Variants in RSL1D1 observed in about 807,000 individuals in gnomAD.
The protein encoded by RSL1D1 is ribosomal L1 domain containing 1, also known as ribosomal L1 domain-containing protein 1.
RSL1D1 carries 34 observed loss-of-function variants against 44.6 expected under a neutral mutation model. The observed-to-expected ratio is 0.76, with a 90% CI of 0.58 to 1.02. The LOEUF is 1.02. RSL1D1 is among the 50% of genes least tolerant of loss of function. The probability of loss-of-function intolerance (pLI) is 0.00; values close to 1 mark genes in which losing one functional copy is unlikely to be tolerated. For missense variants in RSL1D1, 767 were observed against 568.1 expected (o/e 1.35, Z -3.56); for synonymous variants, 271 against 207.4 (o/e 1.31, Z -2.63).
chr16:11,845,345 C>G (rs1262716923), intron 5 of RSL1D1, among the ~76,000 whole-genome samples: 1 of 152,130 alleles, frequency 6.6e-6, no homozygotes, highest in Non-Finnish European at 1.5e-5. Flanking sequence ...CCCAGCTACT[C>G]AGGAGGCTGA....
chr16:11,846,584 G>C lies in RSL1D1; in HGVS notation c.552C>G (p.Asn184Lys). 6.2e-7 allele frequency: 1 copy of C among 1,609,846 alleles called. No homozygotes were observed. Among genetic ancestry groups the C allele is most frequent in the South Asian group, 1.1e-5 (1 of 90,770 alleles). Residue 184 changes from asparagine (N) to lysine (K), a missense_variant, in exon 5 of 9, where the codon AAC becomes AAG. Physicochemically the swap from Asn to Lys is moderately conservative, Grantham distance 94 (BLOSUM62 0). Coordinates refer to ENST00000571133, the MANE Select transcript of RSL1D1 (RefSeq NM_015659.3). ...CTCTTGATAAATTCTTGGACAGAAGGTTTACAGATACTGGAACTCTACAAA... is the reference window on the plus strand; with the variant it reads ...CTCTTGATAAATTCTTGGACAGAAGCTTTACAGATACTGGAACTCTACAAA... ...YQRKKVPVSV[N>K]LLSKNLSREI...
At chr16:11,838,547 T>C (rs751337432) in intron 8 of RSL1D1, among the ~76,000 whole-genome samples, 17 of 151,954 alleles carry the variant, frequency 1.1e-4, no homozygotes, top group African/African-American at 2.9e-4. Flanking sequence ...ATGACAGAAA[T>C]AAGCTGTATT....
chr16:11,843,575 A>G (rs2053777628), intron 5 of RSL1D1, among the ~76,000 whole-genome samples: 1 of 151,414 alleles, frequency 6.6e-6, no homozygotes, highest in Admixed American at 6.6e-5. Flanking sequence ...GTTCAAGAAT[A>G]AATAGTTCTG....
chr16:11,846,430 C>A, intron 5 of RSL1D1, 71 bp downstream of exon 5: 11 of 823,342 alleles, frequency 1.3e-5, no homozygotes, highest in East Asian at 2.7e-5. Flanking sequence ...CAAAACAAAA[C>A]GAATAAGTAT....
intron 5 of RSL1D1, among the ~76,000 whole-genome samples, chr16:11,842,554 T>C (rs755101348): frequency 3.3e-5 from 5 of 151,830 alleles, no homozygotes; most frequent in African/African-American, 7.3e-5. Context: ...TAGAGATGGG[T>C]TCTCACTCCT....
At chr16:11,838,645 C>A (rs990743105) in intron 8 of RSL1D1, among the ~76,000 whole-genome samples, 1 of 151,308 alleles carries the variant, frequency 6.6e-6, no homozygotes, top group African/African-American at 2.4e-5. Flanking sequence ...TTACTTGAGG[C>A]CAGGAGTTCA....
chr16:11,843,532 C>G (rs2053777291), intron 5 of RSL1D1, among the ~76,000 whole-genome samples: 1 of 151,980 alleles, frequency 6.6e-6, no homozygotes, highest in African/African-American at 2.4e-5. Flanking sequence ...CACCTGCTCT[C>G]TCTATAGTTC....
chr16:11,848,913 G>C (rs776146075), intron 2 of RSL1D1, among the ~76,000 whole-genome samples: 1 of 151,912 alleles, frequency 6.6e-6, no homozygotes, highest in Non-Finnish European at 1.5e-5. Flanking sequence ...AAACAGCTGG[G>C]ATTACAGACG....
Position 11,846,851 on chromosome 16 carries a change from G to T in RSL1D1, c.385-8C>A. The T allele has an allele frequency of 6.3e-7, 1 of 1,584,840 alleles. No individual in the cohort carries two copies. The highest frequency in any genetic ancestry group is 8.6e-7 in the Non-Finnish European group (1 of 1,160,336). On this transcript the variant is annotated splice_region_variant and splice_polypyrimidine_tract_variant and intron_variant, in intron 3 of 8. Transcript: ENST00000571133. ...AGTTTGGAGGGAGATAATCTAGGAA[G>T]TATAGAGAAGAATAAAAACAAGAAG...
chr16:11,844,405 C>T (rs1432397665), intron 5 of RSL1D1, among the ~76,000 whole-genome samples: 1 of 152,174 alleles, frequency 6.6e-6, no homozygotes, highest in Non-Finnish European at 1.5e-5. Flanking sequence ...CTCCCAGATA[C>T]TCATGGGTCC....
chr16:11,848,336 T>C (rs983838677), intron 2 of RSL1D1, among the ~76,000 whole-genome samples: 5 of 152,120 alleles, frequency 3.3e-5, no homozygotes, highest in Admixed American at 1.3e-4. Flanking sequence ...CAATTAACAC[T>C]TGGGATACAA....
At chr16:11,843,226 C>T (rs867152894) in intron 5 of RSL1D1, among the ~76,000 whole-genome samples, 3 of 151,426 alleles carry the variant, frequency 2.0e-5, no homozygotes, top group Admixed American at 6.6e-5. Flanking sequence ...TGAACCACTG[C>T]GCCCGGCCTA....
chr16:11,838,692 A>C (rs1168000933), intron 8 of RSL1D1, among the ~76,000 whole-genome samples: 1 of 151,108 alleles, frequency 6.6e-6, no homozygotes, highest in African/African-American at 2.4e-5. Flanking sequence ...CCCCATCTCT[A>C]CTAAAAATAC....
Position 11,834,810 on chromosome 16 carries a change from G to C in RSL1D1, c.*2977C>G, listed in dbSNP as rs369311248. On this transcript the variant is annotated 3_prime_UTR_variant, in exon 9 of 9. Transcript: ENST00000571133. The stretch of plus-strand genomic sequence containing the variant: ...ATTTAAAAAGTTAACATTACAATTT[G>C]TGTTACTAAAATGCAAAAACAGGAT... The C allele has an allele frequency of 2.6e-5, 4 of 152,292 alleles. No homozygotes were observed. The highest frequency in any genetic ancestry group is 9.6e-5 in the African/African-American group (4 of 41,566). 9.4% of individuals were successfully genotyped at this position (152,292 alleles called of 1,614,324 possible). A position where few individuals can be genotyped will look rare whatever the true frequency, so the allele number is the denominator to read the frequency against.
At chr16:11,840,387 G>A (rs1301703580) in intron 7 of RSL1D1, among the ~76,000 whole-genome samples, 1 of 152,096 alleles carries the variant, frequency 6.6e-6, no homozygotes, top group Admixed American at 6.6e-5. Context: ...TAAACATGGT[G>A]AAACCCCATC....
intron 5 of RSL1D1, among the ~76,000 whole-genome samples, chr16:11,843,018 T>TCCAAGCGA (rs2053773433): frequency 6.7e-6 from 1 of 150,230 alleles, no homozygotes; most frequent in Admixed American, 6.7e-5. Context: ...ACCTCCTGGG[T>TCCAAGCGA]TCAAGCGATT....
Position 11,846,481 on chromosome 16 carries a change from C to T in RSL1D1, c.635+20G>A. The T allele has an allele frequency of 8.6e-7, 1 of 1,161,736 alleles. No individual in the cohort carries two copies. The highest frequency in any genetic ancestry group is 1.3e-6 in the Non-Finnish European group (1 of 793,496). The allele number at this position is 1,161,736 out of a possible 1,614,324, so 72.0% of individuals were successfully genotyped here. A position where few individuals can be genotyped will look rare whatever the true frequency, so the allele number is the denominator to read the frequency against. On this transcript the variant is annotated intron_variant, in intron 5 of 8. Transcript: ENST00000571133. ...CAAATACAAGATTAAAAGAGGCACA[C>T]ATGAATGCCTTTTACCTACCTGCAA...
At chr16:11,840,437 GTGCC>G (rs1357749682) in intron 7 of RSL1D1, among the ~76,000 whole-genome samples, 2 of 152,108 alleles carry the variant, frequency 1.3e-5, no homozygotes, top group East Asian at 3.9e-4. Flanking sequence ...ATGGTGATAC[GTGCC>G]TGTAGTTCCA....
At chr16:11,844,671 A>G (rs571438772) in intron 5 of RSL1D1, among the ~76,000 whole-genome samples, 1 of 152,232 alleles carries the variant, frequency 6.6e-6, no homozygotes, top group East Asian at 1.9e-4. Flanking sequence ...AGAGGCAAGA[A>G]GTCTGTGTTG....
Sources: allele counts gnomAD v4.1 joint callset (sites outside exome capture counted in the v4.1 genomes callset), GRCh38; gene constraint gnomAD v4.1.1; transcripts MANE v1.5; gene names NCBI Gene and HGNC (gene_info 2026-07-23, HGNC 2026-07-21).